Variants in UNC80 observed in about 807,000 individuals in gnomAD.
The protein encoded by UNC80 is unc-80 subunit of NALCN channel complex, also known as protein unc-80 homolog.
A neutral mutation model predicts 384.6 loss-of-function variants in UNC80; 164 were observed. That is an observed-to-expected ratio of 0.43 (90% CI 0.38 to 0.49). The LOEUF is 0.49. Among genes scored for constraint, UNC80 ranks in the 20% least tolerant of loss-of-function variants. UNC80 has a pLI of 0.00. For missense variants in UNC80, 3,330 were observed against 4,143.0 expected, an observed-to-expected ratio of 0.80 and a Z score of 5.39; for synonymous variants, 1,486 against 1,527.8, an observed-to-expected ratio of 0.97 and a Z score of 0.64.
chr2:209,948,201 G>T (rs1483902935), intron 47 of UNC80, among the ~76,000 whole-genome samples: 1 of 152,112 alleles, frequency 6.6e-6, no homozygotes, highest in East Asian at 1.9e-4. Context: ...GGATGGAACT[G>T]CTGGGCTAAG....
rs1004658532 is a variant in UNC80, at chr2:209,809,268, G to A, written c.939-4312G>A. The A allele has an allele frequency of 1.4e-5, 10 of 740,570 alleles. No individual in the cohort carries two copies. In the African/African-American group the frequency reaches 1.5e-4, roughly 11 times the overall value. 45.9% of individuals were successfully genotyped at this position (740,570 alleles called of 1,614,324 possible). On this transcript the variant is annotated intron_variant, in intron 7 of 64. Coordinates refer to ENST00000673920, the MANE Select transcript of UNC80 (RefSeq NM_001371986.1). ...CCTTCAACTGCCAATACTGCAATAAGGAATGCCTCAGCCTGGGTGCCCTCA... is the reference window on the plus strand; with the variant it reads ...CCTTCAACTGCCAATACTGCAATAAAGAATGCCTCAGCCTGGGTGCCCTCA...
At position 209,935,212 on chromosome 2, in the gene UNC80, C is replaced by G. The variant is rs552759699; in HGVS notation, c.6179-502C>G. ...ACTCTTCCACTAAATAAATATGTCTCTTAAGTTATTCCATTTCTCTTTTTC... is the reference window on the plus strand; with the variant it reads ...ACTCTTCCACTAAATAAATATGTCTGTTAAGTTATTCCATTTCTCTTTTTC... On this transcript the variant is annotated intron_variant, in intron 39 of 64. Coordinates refer to ENST00000673920, the MANE Select transcript of UNC80 (RefSeq NM_001371986.1). Among the ~76,000 whole-genome samples, 4 of 152,260 alleles carry G rather than the reference C, an allele frequency of 2.6e-5. No homozygotes were observed. In the South Asian group the frequency reaches 8.3e-4, roughly 32 times the overall value.
chr2:209,929,631 C>G (rs1049371913), intron 36 of UNC80, among the ~76,000 whole-genome samples: 1 of 152,152 alleles, frequency 6.6e-6, no homozygotes, highest in African/African-American at 2.4e-5. Flanking sequence ...ATATTCTTTG[C>G]AAAAGCATTG....
At chr2:209,987,810 T>G (rs2093319543) in intron 61 of UNC80, among the ~76,000 whole-genome samples, 1 of 151,992 alleles carries the variant, frequency 6.6e-6, no homozygotes, top group African/African-American at 2.4e-5. Flanking sequence ...GTGGAACCCA[T>G]CTCATGATTA....
rs529047309 is a variant in UNC80 at position 209,993,415 on chromosome 2, C to A, written c.9497C>A (p.Thr3166Lys). 1 of 1,551,498 alleles carries A rather than the reference C, an allele frequency of 6.4e-7. No individual in the cohort carries two copies. Among genetic ancestry groups the A allele is most frequent in the Admixed American group, 2.0e-5 (1 of 50,980 alleles). The part of the protein sequence containing the change: ...STTRRSIQPK[T>K]KPSADQKRSV... The stretch of plus-strand genomic sequence containing the variant: ...ACTCGCAGGAGCATTCAACCTAAAA[C>A]GAAGCCGTCTGGTGAGGCCTCCTGT... Residue 3166 changes from threonine to lysine, a missense_variant, in exon 63 of 65, where the codon ACG (threonine) becomes AAG (lysine). Physicochemically the swap from Thr to Lys is moderately conservative, Grantham distance 78. Transcript: ENST00000673920.
chr2:209,945,549 T>C (rs1202561823), intron 46 of UNC80, among the ~76,000 whole-genome samples: 5 of 152,078 alleles, frequency 3.3e-5, no homozygotes, highest in Admixed American at 2.6e-4. Context: ...TAGAGATAAC[T>C]CCAGGGTAAA....
At chr2:209,809,446 T>C in intron 7 of UNC80, 1 of 1,474,992 alleles carries the variant, frequency 6.8e-7, no homozygotes, top group Non-Finnish European at 9.5e-7. Context: ...CGCCGACCGC[T>C]CCAACCTGCG....
At chr2:209,943,255 C>A in intron 44 of UNC80, 125 bp from the exon 45 acceptor site, 3 of 1,228,678 alleles carry the variant, frequency 2.4e-6, no homozygotes, top group Non-Finnish European at 3.3e-6. Flanking sequence ...ATTTTACATT[C>A]CTCTCTACCA....
chr2:209,804,059 C>G (rs2078730017), intron 7 of UNC80, among the ~76,000 whole-genome samples: 1 of 152,112 alleles, frequency 6.6e-6, no homozygotes, highest in Non-Finnish European at 1.5e-5. Flanking sequence ...TCTGCAACTG[C>G]TTCCAAACAA....
At chr2:209,796,737 T>C (rs2078184590) in intron 7 of UNC80, among the ~76,000 whole-genome samples, 1 of 152,312 alleles carries the variant, frequency 6.6e-6, no homozygotes, top group Admixed American at 6.5e-5. Flanking sequence ...ATGTAAGAAG[T>C]GCCTTTCACA....
intron 4 of UNC80, among the ~76,000 whole-genome samples, chr2:209,780,490 A>G (rs1441069726): frequency 1.3e-5 from 2 of 152,188 alleles, no homozygotes; most frequent in Non-Finnish European, 2.9e-5. Context: ...TTGTTGGGGA[A>G]TGTACAATCT....
chr2:209,794,985 G>T, intron 7 of UNC80: 1 of 330,082 alleles, frequency 3.0e-6, no homozygotes, highest in Admixed American at 3.9e-5. Context: ...AAGCAACTTT[G>T]GAACTGGGTA....
chr2:209,815,335 C>T lies in UNC80; in HGVS notation c.1279C>T (p.Arg427Cys), dbSNP rs1389814766. 1.7e-5 allele frequency: 26 copies of T among 1,551,400 alleles called. No homozygotes were observed. The highest frequency in any genetic ancestry group is 5.9e-5 in the Admixed American group (3 of 50,982). ...TTCCAAGGTTTCACTGACCAATCTG[C>T]GTAGATCTGCAGTCCCAGATCTTTC... Reference protein sequence around the residue: ...AFSKVSLTNLRRSAVPDLSSD... With the variant: ...AFSKVSLTNLCRSAVPDLSSD... Residue 427 changes from arginine (R) to cysteine (C), a missense_variant, in exon 9 of 65, where the codon CGT becomes TGT. This residue lies in a region of UNC80 where 937 missense variants were observed against 1,026.8 expected (regional missense o/e 0.91). Coordinates refer to ENST00000673920, the MANE Select transcript of UNC80 (RefSeq NM_001371986.1).
intron 7 of UNC80, among the ~76,000 whole-genome samples, chr2:209,798,749 C>T (rs993648953): frequency 2.6e-4 from 39 of 150,942 alleles, no homozygotes; most frequent in African/African-American, 8.0e-4. Flanking sequence ...GTGATCTTGG[C>T]TCACTGAAAG....
At chr2:209,947,497 G>A (rs950788960) in intron 47 of UNC80, among the ~76,000 whole-genome samples, 6 of 152,088 alleles carry the variant, frequency 3.9e-5, no homozygotes, top group Non-Finnish European at 8.8e-5. Flanking sequence ...AAATTCCCTT[G>A]TCATTGTGAG....
At chr2:209,955,728 TATATATATATACAC>T (rs1300808903) in intron 48 of UNC80, among the ~76,000 whole-genome samples, 2 of 72,284 alleles carry the variant, frequency 2.8e-5, no homozygotes, top group Non-Finnish European at 4.9e-5. Context: ...TATATATATA[TATATATATATACAC>T]ACACACACAC....
chr2:209,857,651 A>G (rs549101601), intron 22 of UNC80, among the ~76,000 whole-genome samples: 12 of 151,958 alleles, frequency 7.9e-5, no homozygotes, highest in Non-Finnish European at 1.3e-4. Flanking sequence ...TACTTAGTTC[A>G]TTGATATTCT....
intron 61 of UNC80, among the ~76,000 whole-genome samples, chr2:209,989,638 G>A (rs1475011629): frequency 1.3e-5 from 2 of 152,176 alleles, no homozygotes; most frequent in Non-Finnish European, 2.9e-5. Flanking sequence ...ATAAAAACTG[G>A]ACATAACATA....
rs773699882 is a variant in UNC80 at position 209,820,444 on chromosome 2, G to T, written c.2096G>T (p.Ser699Ile). The stretch of plus-strand genomic sequence containing the variant: ...TGTGTAGAAAAGAATAGAAAGAAGA[G>T]TGAAAACAAGGAAAATGAGACCTTG... ...VPCVEKNRKK[S>I]ENKENETLEK... Residue 699 changes from serine (S) to isoleucine (I), a missense_variant, in exon 13 of 65, where the codon AGT (serine) becomes ATT (isoleucine). This residue lies in a region of UNC80 where 937 missense variants were observed against 1,026.8 expected (regional missense o/e 0.91). Coordinates refer to ENST00000673920, the MANE Select transcript of UNC80 (RefSeq NM_001371986.1). 29 of 1,551,700 alleles carry T rather than the reference G, an allele frequency of 1.9e-5. 3 individuals are homozygous for T. In the South Asian group the frequency reaches 3.1e-4, roughly 17 times the overall value.
Sources: allele counts gnomAD v4.1 joint callset (sites outside exome capture counted in the v4.1 genomes callset), GRCh38; gene constraint gnomAD v4.1.1; regional missense constraint gnomAD v4.1.1; transcripts MANE v1.5; gene names NCBI Gene and HGNC (gene_info 2026-07-23, HGNC 2026-07-21).